FSIP1: variants seen among roughly 807,000 people sequenced by gnomAD.
FSIP1 encodes the protein fibrous sheath-interacting protein 1.
Under a neutral mutation model 60.9 loss-of-function variants are expected in FSIP1, and 65 were observed. The ratio of observed to expected loss-of-function variants is 1.07; its 90% CI spans 0.87 to 1.31. The LOEUF (loss-of-function observed/expected upper bound fraction) is 1.31. Ranked by LOEUF, FSIP1 falls within the 40% of genes most tolerant of loss-of-function variation. FSIP1 has a pLI of 0.00. For synonymous variants in FSIP1, 209 were observed against 221.2 expected, an observed-to-expected ratio of 0.94 and a Z score of 0.49; for missense variants, 675 against 665.5, an observed-to-expected ratio of 1.01 and a Z score of -0.16.
At chr15:39,669,640 CA>C (rs1436876132) in intron 10 of FSIP1, among the ~76,000 whole-genome samples, 1 of 152,112 alleles carries the variant, frequency 6.6e-6, no homozygotes, top group Non-Finnish European at 1.5e-5. Flanking sequence ...CAAGTTTGAA[CA>C]TTCAAGTTTT....
chr15:39,599,706 C>A (rs1890573995), downstream of FSIP1, among the ~76,000 whole-genome samples: 3 of 152,182 alleles, frequency 2.0e-5, no homozygotes, highest in African/African-American at 7.2e-5. Flanking sequence ...TTCTTCCCAC[C>A]CAAACCCTAA....
intron 10 of FSIP1, among the ~76,000 whole-genome samples, chr15:39,618,748 G>C (rs1378024662): frequency 6.6e-6 from 1 of 152,138 alleles, no homozygotes; most frequent in Admixed American, 6.5e-5. Context: ...AAGGTTACCA[G>C]GGCTAAGTGT....
In FSIP1 at chr15:39,648,920, C is replaced by A. The variant is rs529425429; in HGVS notation, c.1189-30675G>T. Among the ~76,000 whole-genome samples the A allele has an allele frequency of 5.3e-5, 8 of 151,748 alleles. No homozygotes were observed. The South Asian group carries it at 1.7e-3, about 32-fold the overall frequency. ...CATTATTTAAAAAGGAAAGCTATTT[C>A]AGACTGGGATTTCTTGTGCAAAGTT... is the stretch of plus-strand genomic sequence containing the variant. On this transcript the variant is annotated intron_variant, in intron 10 of 11. Coordinates refer to ENST00000350221, the MANE Select transcript of FSIP1 (RefSeq NM_152597.5).
At chr15:39,743,644 C>T (rs1293966221) in intron 5 of FSIP1, among the ~76,000 whole-genome samples, 3 of 152,072 alleles carry the variant, frequency 2.0e-5, no homozygotes, top group African/African-American at 7.2e-5. Flanking sequence ...TATCTCCCCA[C>T]AAGATAATTT....
At chr15:39,774,916 C>T (rs909568900) in intron 2 of FSIP1, among the ~76,000 whole-genome samples, 3 of 152,218 alleles carry the variant, frequency 2.0e-5, no homozygotes, top group Non-Finnish European at 4.4e-5. Flanking sequence ...CCTGAGAACC[C>T]ATAATCCAGG....
chr15:39,636,557 T>C (rs11070227), intron 10 of FSIP1, among the ~76,000 whole-genome samples: 27,537 of 151,990 alleles, frequency 0.18, 3,025 homozygotes, highest in East Asian at 0.32. Context: ...TCAGAGAAGG[T>C]CACAGGGCTG....
At chr15:39,711,065 G>A (rs1895486601) in intron 10 of FSIP1, among the ~76,000 whole-genome samples, 1 of 152,204 alleles carries the variant, frequency 6.6e-6, no homozygotes, top group African/African-American at 2.4e-5. Flanking sequence ...TAGAGATGTG[G>A]TAGAAAGTAA....
intron 9 of FSIP1, among the ~76,000 whole-genome samples, chr15:39,721,563 T>C (rs753795393): frequency 6.6e-6 from 1 of 152,204 alleles, no homozygotes; most frequent in Non-Finnish European, 1.5e-5. Context: ...AGCTTCATAC[T>C]AGTCTGGACA....
chr15:39,674,535 A>G (rs1042795079), intron 10 of FSIP1, among the ~76,000 whole-genome samples: 5 of 152,076 alleles, frequency 3.3e-5, no homozygotes, highest in African/African-American at 1.2e-4. Flanking sequence ...AACTCTGGAC[A>G]GGGAGAGACA....
intron 10 of FSIP1, among the ~76,000 whole-genome samples, chr15:39,680,161 T>A (rs1313945557): frequency 2.0e-5 from 3 of 151,534 alleles, no homozygotes; most frequent in Non-Finnish European, 4.4e-5. Flanking sequence ...TCAAAAAAAA[T>A]AATAATAATG....
chr15:39,606,623 T>G (rs1012944542), intron 11 of FSIP1, among the ~76,000 whole-genome samples: 1 of 152,202 alleles, frequency 6.6e-6, no homozygotes, highest in African/African-American at 2.4e-5. Flanking sequence ...CCCTGCTAAC[T>G]TATACAATTT....
intron 10 of FSIP1, among the ~76,000 whole-genome samples, chr15:39,699,330 T>C (rs1894960781): frequency 6.6e-6 from 1 of 152,186 alleles, no homozygotes; most frequent in South Asian, 2.1e-4. Flanking sequence ...AATAAATGCC[T>C]AGGGATAAGG....
intron 11 of FSIP1, among the ~76,000 whole-genome samples, chr15:39,611,081 T>C (rs1461716800): frequency 2.0e-5 from 3 of 152,160 alleles, no homozygotes; most frequent in Admixed American, 2.0e-4. Context: ...AGAATAATAC[T>C]GTAAGGATGA....
chr15:39,603,989 T>G (rs904883644), intron 11 of FSIP1, among the ~76,000 whole-genome samples: 4 of 152,318 alleles, frequency 2.6e-5, no homozygotes, highest in Middle Eastern at 6.8e-3. Flanking sequence ...TGGAGTGCAA[T>G]GTCATGATCT....
At chr15:39,650,253 C>T (rs1371962373) in intron 10 of FSIP1, among the ~76,000 whole-genome samples, 1 of 152,174 alleles carries the variant, frequency 6.6e-6, no homozygotes, top group Non-Finnish European at 1.5e-5. Context: ...TCACAAAATT[C>T]CTTGGCCATA....
chr15:39,629,557 C>T (rs1338217054), intron 10 of FSIP1, among the ~76,000 whole-genome samples: 1 of 152,178 alleles, frequency 6.6e-6, no homozygotes, highest in Non-Finnish European at 1.5e-5. Flanking sequence ...TGCCCCTCAG[C>T]CCTCTCTGCC....
chr15:39,628,525 T>C (rs986710757), intron 10 of FSIP1, among the ~76,000 whole-genome samples: 2 of 152,158 alleles, frequency 1.3e-5, no homozygotes, highest in African/African-American at 2.4e-5. Context: ...AGGTGAGCCA[T>C]GCACATGTGT....
intron 10 of FSIP1, among the ~76,000 whole-genome samples, chr15:39,691,491 T>C (rs1303768886): frequency 6.6e-6 from 1 of 152,214 alleles, no homozygotes; most frequent in Non-Finnish European, 1.5e-5. Context: ...CAGTCACCTC[T>C]GGACAGTGTA....
chr15:39,702,402 C>T, intron 10 of FSIP1, among the ~76,000 whole-genome samples: 1 of 14,122 alleles, frequency 7.1e-5, no homozygotes, highest in Non-Finnish European at 2.3e-4. Flanking sequence ...CCTTACATTT[C>T]TGCCAGCTCA....
Sources: allele counts gnomAD v4.1 joint callset (sites outside exome capture counted in the v4.1 genomes callset), GRCh38; gene constraint gnomAD v4.1.1; transcripts MANE v1.5; gene names NCBI Gene and HGNC (gene_info 2026-07-23, HGNC 2026-07-21).